Variants in RYR2 observed in about 807,000 individuals in gnomAD.
RYR2 encodes the protein ryanodine receptor 2, also known as cardiac muscle ryanodine receptor-calcium release channel.
A neutral mutation model predicts 601.1 loss-of-function variants in RYR2; 227 were observed. That is an observed-to-expected ratio of 0.38 (90% CI 0.34 to 0.42). The LOEUF is 0.42. Among genes scored for constraint, RYR2 ranks in the 10% least tolerant of loss-of-function variants. RYR2 has a pLI of 1.00. For synonymous variants in RYR2, 2,223 were observed against 2,175.1 expected (o/e 1.02, Z -0.61); for missense variants, 4,646 against 6,156.5 (o/e 0.75, Z 8.21).
At chr1:237,250,375 C>G (rs182427762) in intron 1 of RYR2, among the ~76,000 whole-genome samples, 1 of 152,294 alleles carries the variant, frequency 6.6e-6, no homozygotes, top group East Asian at 1.9e-4. Context: ...TGTTCACATG[C>G]TAGTAGTGCA....
chr1:237,630,016 C>T (rs1003221433), intron 41 of RYR2, among the ~76,000 whole-genome samples: 4 of 151,890 alleles, frequency 2.6e-5, no homozygotes, highest in African/African-American at 9.7e-5. Flanking sequence ...AAATCTAACC[C>T]GAGGAAGCCT....
intron 1 of RYR2, among the ~76,000 whole-genome samples, chr1:237,161,472 G>T (rs558978076): frequency 1.0e-4 from 15 of 150,526 alleles, no homozygotes; most frequent in Non-Finnish European, 1.9e-4. Context: ...TAACTCAGGA[G>T]TTTTAATAAA....
intron 2 of RYR2, among the ~76,000 whole-genome samples, chr1:237,300,667 C>T (rs991929440): frequency 3.9e-5 from 6 of 152,174 alleles, no homozygotes; most frequent in African/African-American, 1.4e-4. Flanking sequence ...CTTCGCTCCT[C>T]ATCTTCCTGA....
At chr1:237,728,232 T>C (rs552016328) in intron 76 of RYR2, among the ~76,000 whole-genome samples, 89 of 152,158 alleles carry the variant, frequency 5.8e-4, no homozygotes, top group Admixed American at 3.3e-3. Flanking sequence ...GGAAACATCA[T>C]ACTTTTCCCT....
Position 237,184,272 on chromosome 1 carries a change from T to C in RYR2, c.49-86225T>C, listed in dbSNP as rs142478989. On this transcript the variant is annotated intron_variant, in intron 1 of 104. Coordinates refer to ENST00000366574, the MANE Select transcript of RYR2 (RefSeq NM_001035.3). The stretch of plus-strand genomic sequence containing the variant: ...GAGGACTGGGGCAGAAATGAGGAGG[T>C]GGCTGAAGAGTGCTTCATCTCCCTG... Among the ~76,000 whole-genome samples, 929 of 152,186 alleles carry C rather than the reference T, an allele frequency of 6.1e-3. 10 individuals are homozygous for C. Among genetic ancestry groups the C allele is most frequent in the South Asian group, 0.033 (160 of 4,816 alleles).
intron 1 of RYR2, among the ~76,000 whole-genome samples, chr1:237,250,188 C>A (rs188489356): frequency 6.6e-6 from 1 of 152,196 alleles, no homozygotes. Flanking sequence ...CTGCTCCCAG[C>A]GTGGCTCTTG....
At chr1:237,502,411 T>C (rs1664733294) in intron 21 of RYR2, among the ~76,000 whole-genome samples, 2 of 152,186 alleles carry the variant, frequency 1.3e-5, no homozygotes, top group South Asian at 4.1e-4. Flanking sequence ...GAATCTCCTT[T>C]AAAGCAGCAG....
Position 237,633,585 on chromosome 1 carries a change from C to G in RYR2, c.6563C>G (p.Thr2188Ser), listed in dbSNP as rs769860725. 6.2e-7 allele frequency: 1 copy of G among 1,613,920 alleles called. No homozygotes were observed. The highest frequency in any genetic ancestry group is 1.7e-5 in the Admixed American group (1 of 60,000). Residue 2188 changes from threonine (T) to serine (S), a missense_variant, in exon 43 of 105, where the codon ACC becomes AGC. Physicochemically the swap from Thr to Ser is moderately conservative, Grantham distance 58 (BLOSUM62 1). Transcript: ENST00000366574. ...GACATGCTTTATCTGTAGGAAATCACCTTTCCCAAGATGGTGGCCAACTGT... is the reference window on the plus strand; with the variant it reads ...GACATGCTTTATCTGTAGGAAATCAGCTTTCCCAAGATGGTGGCCAACTGT... ...VLGGGESKEI[T>S]FPKMVANCCR...
At chr1:237,758,155 A>G (rs1002123140) in intron 82 of RYR2, among the ~76,000 whole-genome samples, 1 of 152,206 alleles carries the variant, frequency 6.6e-6, no homozygotes, top group African/African-American at 2.4e-5. Context: ...GAAAAAAGAA[A>G]AAATAAAACA....
At chr1:237,808,377 AGGGCC>A (rs1660873263) in intron 99 of RYR2, among the ~76,000 whole-genome samples, 1 of 152,050 alleles carries the variant, frequency 6.6e-6, no homozygotes, top group Admixed American at 6.5e-5. Flanking sequence ...AAATGAAGAA[AGGGCC>A]GGGCACGGTG....
intron 1 of RYR2, among the ~76,000 whole-genome samples, chr1:237,107,054 C>T (rs751758417): frequency 1.5e-4 from 23 of 151,794 alleles, no homozygotes; most frequent in Non-Finnish European, 5.9e-5. Context: ...AAATCTAAGG[C>T]CATATGGGGG....
At chr1:237,367,605 C>T (rs960286775) in intron 5 of RYR2, among the ~76,000 whole-genome samples, 2 of 152,196 alleles carry the variant, frequency 1.3e-5, no homozygotes, top group South Asian at 4.1e-4. Flanking sequence ...AGGTCAGTAT[C>T]ATCACTCTTA....
intron 1 of RYR2, among the ~76,000 whole-genome samples, chr1:237,232,991 A>T (rs2149197783): frequency 6.6e-6 from 1 of 152,326 alleles, no homozygotes; most frequent in East Asian, 1.9e-4. Flanking sequence ...TCAACATGGA[A>T]GTCATTTTTG....
At chr1:237,817,840 G>A (rs964301059) in intron 100 of RYR2, among the ~76,000 whole-genome samples, 1 of 152,196 alleles carries the variant, frequency 6.6e-6, no homozygotes, top group Admixed American at 6.5e-5. Flanking sequence ...ATTCTGGTCA[G>A]CAGCAACTAA....
intron 25 of RYR2, among the ~76,000 whole-genome samples, chr1:237,536,892 A>C (rs1668700297): frequency 6.6e-6 from 1 of 152,086 alleles, no homozygotes; most frequent in Admixed American, 6.5e-5. Flanking sequence ...TCTCAAAAAA[A>C]AAAGACTTGC....
At chr1:237,136,566 A>G (rs1001655468) in intron 1 of RYR2, among the ~76,000 whole-genome samples, 2 of 152,198 alleles carry the variant, frequency 1.3e-5, no homozygotes, top group Non-Finnish European at 2.9e-5. Context: ...GTGGTTTAGA[A>G]TGCATGTTGA....
intron 71 of RYR2, among the ~76,000 whole-genome samples, chr1:237,714,514 T>A (rs553684167): frequency 1.3e-5 from 2 of 152,276 alleles, no homozygotes; most frequent in Admixed American, 6.5e-5. Context: ...TTTGCTCAAA[T>A]CTAACAGTAT....
At chr1:237,178,946 T>A (rs1678393707) in intron 1 of RYR2, among the ~76,000 whole-genome samples, 1 of 152,192 alleles carries the variant, frequency 6.6e-6, no homozygotes, top group East Asian at 1.9e-4. Flanking sequence ...TAAACTACTA[T>A]CCTAGCAGTG....
chr1:237,576,252 C>T (rs6693543), intron 29 of RYR2, among the ~76,000 whole-genome samples: 81,981 of 151,684 alleles, frequency 0.54, 22,499 homozygotes, highest in East Asian at 0.71. Flanking sequence ...TTATGGAAGT[C>T]GATGTGATGA....
Sources: gnomAD v4.1 joint callset for allele counts (sites outside exome capture counted in the v4.1 genomes callset) on GRCh38, gnomAD v4.1.1 for gene constraint, MANE v1.5 for transcripts, NCBI Gene and HGNC (gene_info 2026-07-23, HGNC 2026-07-21) for gene names.